CDH13: variants seen among roughly 807,000 people sequenced by gnomAD.
CDH13 encodes cadherin-13.
In CDH13, 24 loss-of-function variants were observed where a neutral mutation model predicts 63.8. That is an observed-to-expected ratio of 0.38 (90% CI 0.27 to 0.53). CDH13 has a LOEUF of 0.53. CDH13 is among the 20% of genes least tolerant of loss of function. CDH13 has a pLI of 0.85. For missense variants in CDH13, 1,049 were observed against 903.1 expected (o/e 1.16, Z -2.07); for synonymous variants, 503 against 355.3 (o/e 1.42, Z -4.67).
At chr16:82,770,765 T>A (rs2035229703) in intron 1 of CDH13, among the ~76,000 whole-genome samples, 1 of 152,180 alleles carries the variant, frequency 6.6e-6, no homozygotes, top group Non-Finnish European at 1.5e-5. Context: ...TGGAGTGCAG[T>A]GGCGTGATCT....
chr16:82,890,394 G>T (rs907555740), intron 2 of CDH13, among the ~76,000 whole-genome samples: 1 of 152,118 alleles, frequency 6.6e-6, no homozygotes, highest in African/African-American at 2.4e-5. Flanking sequence ...TTCTTGGAAG[G>T]CCCCAGACTT....
chr16:82,707,911 A>G (rs1672376545), intron 1 of CDH13, among the ~76,000 whole-genome samples: 1 of 151,604 alleles, frequency 6.6e-6, no homozygotes, highest in Non-Finnish European at 1.5e-5. Context: ...CATAACAAAG[A>G]GACTCCCAAA....
At chr16:82,839,199 G>A (rs918261974) in intron 1 of CDH13, among the ~76,000 whole-genome samples, 17 of 152,186 alleles carry the variant, frequency 1.1e-4, no homozygotes, top group African/African-American at 3.9e-4. Context: ...CCTTCCATTG[G>A]GGGTTACAGT....
At chr16:82,876,026 A>G (rs965315085) in intron 2 of CDH13, among the ~76,000 whole-genome samples, 1 of 152,002 alleles carries the variant, frequency 6.6e-6, no homozygotes, top group Admixed American at 6.6e-5. Flanking sequence ...GTGCAGGGGA[A>G]CTCCTCTTTT....
At chr16:83,152,316 T>C (rs1260542814) in intron 4 of CDH13, among the ~76,000 whole-genome samples, 1 of 152,228 alleles carries the variant, frequency 6.6e-6, no homozygotes, top group Non-Finnish European at 1.5e-5. Context: ...TGTGGACTAC[T>C]ATGCAATCAT....
At chr16:83,765,770 C>T (rs1914337906) in intron 11 of CDH13, among the ~76,000 whole-genome samples, 1 of 144,146 alleles carries the variant, frequency 6.9e-6, no homozygotes, top group East Asian at 2.0e-4. Context: ...TCCTGGTTCA[C>T]TTACAGCTTT....
chr16:82,858,623 C>G (rs945306710), intron 2 of CDH13, 150 bp downstream of exon 2: 7 of 698,324 alleles, frequency 1.0e-5, no homozygotes, highest in African/African-American at 3.5e-5. Context: ...AGTGGAAATT[C>G]TTGAATGAGG....
At chr16:83,200,161 G>A (rs1207975065) in intron 4 of CDH13, among the ~76,000 whole-genome samples, 3 of 152,124 alleles carry the variant, frequency 2.0e-5, no homozygotes, top group African/African-American at 7.2e-5. Flanking sequence ...TCTATGTGGT[G>A]CTGATGGTCT....
chr16:82,700,427 GTGTATAATGTACA>G (rs2030842926), intron 1 of CDH13, among the ~76,000 whole-genome samples: 1 of 152,128 alleles, frequency 6.6e-6, no homozygotes, highest in Admixed American at 6.5e-5. Context: ...TACCGTGTAT[GTGTATAATGTACA>G]TAAGTGGACA....
intron 8 of CDH13, among the ~76,000 whole-genome samples, chr16:83,657,576 T>C (rs575076648): frequency 1.3e-5 from 2 of 152,266 alleles, no homozygotes; most frequent in Non-Finnish European, 2.9e-5. Context: ...CCCACCTTCC[T>C]CTGCAGCAGA....
intron 1 of CDH13, among the ~76,000 whole-genome samples, chr16:82,841,382 G>C (rs1350979690): frequency 6.6e-6 from 1 of 152,196 alleles, no homozygotes; most frequent in Non-Finnish European, 1.5e-5. Context: ...TGAAAAGTCT[G>C]TGTTCTGAAC....
At chr16:82,930,360 C>G (rs912371990) in intron 2 of CDH13, among the ~76,000 whole-genome samples, 3 of 152,066 alleles carry the variant, frequency 2.0e-5, no homozygotes, top group African/African-American at 7.2e-5. Flanking sequence ...TGTAATAGAT[C>G]AACAGCTAAC....
intron 7 of CDH13, among the ~76,000 whole-genome samples, chr16:83,579,133 G>C (rs1355523943): frequency 6.6e-6 from 1 of 152,182 alleles, no homozygotes; most frequent in Non-Finnish European, 1.5e-5. Flanking sequence ...GTAAGAAGTG[G>C]AGCAGGGCTG....
chr16:83,606,725 T>TTAAA (rs1908369278), intron 8 of CDH13, among the ~76,000 whole-genome samples: 1 of 70,484 alleles, frequency 1.4e-5, no homozygotes, highest in Admixed American at 1.2e-4. Flanking sequence ...AGACCCAGTT[T>TTAAA]CAAAAAAAAA....
chr16:83,548,543 G>A (rs112964953), intron 7 of CDH13, among the ~76,000 whole-genome samples: 3,114 of 152,238 alleles, frequency 0.02, 45 homozygotes, highest in Non-Finnish European at 0.032. Context: ...GTCTTGTCTT[G>A]CTAACAAGGT....
At chr16:82,717,516 G>T (rs994516678) in intron 1 of CDH13, among the ~76,000 whole-genome samples, 1 of 151,710 alleles carries the variant, frequency 6.6e-6, no homozygotes, top group African/African-American at 2.4e-5. Flanking sequence ...TGTTTCAATG[G>T]GCTAGAGGCA....
At chr16:82,855,285 G>T (rs962875457) in intron 1 of CDH13, among the ~76,000 whole-genome samples, 6 of 152,160 alleles carry the variant, frequency 3.9e-5, no homozygotes, top group African/African-American at 1.2e-4. Flanking sequence ...CAAAGATGGA[G>T]AACACAGCTC....
intron 9 of CDH13, among the ~76,000 whole-genome samples, chr16:83,673,395 C>G (rs891986522): frequency 2.0e-5 from 3 of 152,116 alleles, no homozygotes; most frequent in Non-Finnish European, 4.4e-5. Flanking sequence ...CCTCCTCGCT[C>G]CAGACCTATA....
chr16:83,440,462 T>C (rs936691871), intron 6 of CDH13, among the ~76,000 whole-genome samples: 1 of 152,052 alleles, frequency 6.6e-6, no homozygotes, highest in Non-Finnish European at 1.5e-5. Context: ...GAGGGGTCTC[T>C]GCAAACGTGG....
Sources: gnomAD v4.1 joint callset for allele counts (sites outside exome capture counted in the v4.1 genomes callset) on GRCh38, gnomAD v4.1.1 for gene constraint, MANE v1.5 for transcripts, NCBI Gene and HGNC (gene_info 2026-07-23, HGNC 2026-07-21) for gene names.